The following DPP6 variants were observed in gnomAD, a reference collection of about 807,000 sequenced individuals.
DPP6 encodes the protein dipeptidyl peptidase like 6, also known as A-type potassium channel modulatory protein DPP6.
DPP6 carries 69 observed loss-of-function variants against 122.6 expected under a neutral mutation model. That is an observed-to-expected ratio of 0.56 (90% CI 0.46 to 0.69). DPP6 has a LOEUF of 0.69. Among genes scored for constraint, DPP6 ranks in the 30% least tolerant of loss-of-function variants. The probability of loss-of-function intolerance (pLI) is 0.00; values close to 1 mark genes in which losing one functional copy is unlikely to be tolerated. For synonymous variants in DPP6, 418 were observed against 433.1 expected, an observed-to-expected ratio of 0.97 and a Z score of 0.43; for missense variants, 928 against 1,116.9, an observed-to-expected ratio of 0.83 and a Z score of 2.41.
chr7:154,191,158 C>T (rs894557939), intron 1 of DPP6, among the ~76,000 whole-genome samples: 1 of 152,138 alleles, frequency 6.6e-6, no homozygotes, highest in African/African-American at 2.4e-5. Context: ...CTGCTGATGC[C>T]ATTTTCTGCA....
At chr7:153,773,044 A>G in the DPP6 span, among the ~76,000 whole-genome samples, 1 of 145,918 alleles carries the variant, frequency 6.9e-6, no homozygotes, top group African/African-American at 2.5e-5. Flanking sequence ...AGTCTTTGAT[A>G]TTAATATAAA....
chr7:154,772,177 C>T (rs1422663515), intron 9 of DPP6, among the ~76,000 whole-genome samples: 1 of 152,214 alleles, frequency 6.6e-6, no homozygotes, highest in African/African-American at 2.4e-5. Flanking sequence ...TGACAGAATT[C>T]AGATGCTCCT....
At chr7:154,519,272 G>A (rs1826782226) in intron 3 of DPP6, among the ~76,000 whole-genome samples, 1 of 152,210 alleles carries the variant, frequency 6.6e-6, no homozygotes, top group South Asian at 2.1e-4. Flanking sequence ...TGTTATGCTG[G>A]AGGAGGCTGG....
Position 154,889,533 on chromosome 7 carries a change from A to G in DPP6, c.2451+3A>G. On this transcript the variant is annotated splice_donor_region_variant and intron_variant, in intron 25 of 25. Coordinates refer to ENST00000377770, the MANE Select transcript of DPP6 (RefSeq NM_130797.4). Reference sequence around the variant, plus strand: ...GAAAGGCTAATTACAGCTTACAGGTACAGTACGCATGTTACTCTGTTTTGA... The same window carrying G: ...GAAAGGCTAATTACAGCTTACAGGTGCAGTACGCATGTTACTCTGTTTTGA... 5.0e-6 allele frequency: 8 copies of G among 1,605,712 alleles called. No individual in the cohort carries two copies. The highest frequency in any genetic ancestry group is 6.8e-6 in the Non-Finnish European group (8 of 1,176,310).
rs370475814 is a variant in DPP6 at position 153,988,039 on chromosome 7, A to T, written c.51+100305A>T. 9.4e-3 allele frequency among the ~76,000 whole-genome samples: 1,426 copies of T among 152,204 alleles called. 23 individuals are homozygous for T. The highest frequency in any genetic ancestry group is 0.032 in the African/African-American group (1,340 of 41,526). ...AACCCTGGAAGCCAGTCCCTAAACA[A>T]CCAGAGCTGCTCAGCAACTGCTCTC... is the stretch of plus-strand genomic sequence containing the variant. On this transcript the variant is annotated intron_variant, in intron 1 of 25. Coordinates refer to the DPP6 transcript ENST00000404039.
intron 2 of DPP6, among the ~76,000 whole-genome samples, chr7:154,463,476 G>A (rs1476761962): frequency 6.6e-6 from 1 of 152,000 alleles, no homozygotes; most frequent in Non-Finnish European, 1.5e-5. Context: ...CAAAGTGCTG[G>A]GATTACAGGC....
intron 16 of DPP6, among the ~76,000 whole-genome samples, chr7:154,828,537 T>C (rs577150436): frequency 6.6e-6 from 1 of 152,328 alleles, no homozygotes; most frequent in African/African-American, 2.4e-5. Context: ...AGAAAAGGCA[T>C]TGCCTAGTTT....
At chr7:154,784,313 C>T (rs868320719) in intron 10 of DPP6, among the ~76,000 whole-genome samples, 8 of 152,036 alleles carry the variant, frequency 5.3e-5, no homozygotes, top group Middle Eastern at 3.2e-3. Flanking sequence ...CCCAGCTGTG[C>T]GGACACTTGC....
At chr7:153,768,299 T>C in the DPP6 span, among the ~76,000 whole-genome samples, 1 of 150,464 alleles carries the variant, frequency 6.6e-6, no homozygotes, top group African/African-American at 2.5e-5. Flanking sequence ...AAGGAGAGGG[T>C]ACCATATGCC....
At chr7:154,727,969 C>G (rs1007423231) in intron 8 of DPP6, 82 bp downstream of exon 8, 1 of 1,499,496 alleles carries the variant, frequency 6.7e-7, no homozygotes, top group African/African-American at 1.4e-5. Flanking sequence ...TTTCATTTTT[C>G]TTTGACTTTA....
At chr7:154,636,080 T>C (rs1300583623) in intron 5 of DPP6, among the ~76,000 whole-genome samples, 3 of 152,218 alleles carry the variant, frequency 2.0e-5, no homozygotes, top group Non-Finnish European at 2.9e-5. Flanking sequence ...CTTCTCTTTC[T>C]GTGCCTCAGT....
intron 5 of DPP6, among the ~76,000 whole-genome samples, chr7:154,595,716 A>C (rs1266102404): frequency 6.6e-6 from 1 of 152,252 alleles, no homozygotes; most frequent in African/African-American, 2.4e-5. Flanking sequence ...CTTTATTTGC[A>C]AAGGAGGCTG....
At chr7:154,586,345 A>G (rs1408869500) in intron 5 of DPP6, among the ~76,000 whole-genome samples, 1 of 152,122 alleles carries the variant, frequency 6.6e-6, no homozygotes, top group African/African-American at 2.4e-5. Flanking sequence ...GCCATTTCCT[A>G]CCTGCCGGCC....
intron 16 of DPP6, among the ~76,000 whole-genome samples, chr7:154,851,826 T>C (rs1802405762): frequency 6.6e-6 from 1 of 152,200 alleles, no homozygotes; most frequent in Non-Finnish European, 1.5e-5. Flanking sequence ...GCATATCATC[T>C]GGCAGCCCCA....
At chr7:154,411,613 C>T (rs1025365156) in intron 1 of DPP6, among the ~76,000 whole-genome samples, 1 of 152,126 alleles carries the variant, frequency 6.6e-6, no homozygotes, top group African/African-American at 2.4e-5. Flanking sequence ...TATATGATAA[C>T]TAATCTTCCA....
chr7:154,070,869 A>G (rs1446555512), intron 1 of DPP6, among the ~76,000 whole-genome samples: 1 of 152,194 alleles, frequency 6.6e-6, no homozygotes, highest in Admixed American at 6.5e-5. Context: ...TAAAGATAGT[A>G]TGGCATGAAT....
At chr7:153,808,360 CATGCCTGTATGT>C in the DPP6 span, among the ~76,000 whole-genome samples, 10 of 144,600 alleles carry the variant, frequency 6.9e-5, 1 homozygote, top group Admixed American at 6.2e-4. Flanking sequence ...TGTGTGTGGG[CATGCCTGTATGT>C]GTGCCTGTGT....
intron 1 of DPP6, among the ~76,000 whole-genome samples, chr7:154,246,325 A>G (rs1361686733): frequency 1.3e-5 from 2 of 152,192 alleles, no homozygotes; most frequent in Non-Finnish European, 2.9e-5. Context: ...TTTTTTCTTC[A>G]AGAAGTTGGA....
chr7:154,830,157 G>A (rs1464423190), intron 16 of DPP6, among the ~76,000 whole-genome samples: 2 of 152,138 alleles, frequency 1.3e-5, no homozygotes, highest in African/African-American at 4.8e-5. Flanking sequence ...CTTTGAACAC[G>A]TTTTCCTGTC....
Sources: gnomAD v4.1 joint callset for allele counts (sites outside exome capture counted in the v4.1 genomes callset) on GRCh38, gnomAD v4.1.1 for gene constraint, MANE v1.5 for transcripts, NCBI Gene and HGNC (gene_info 2026-07-23, HGNC 2026-07-21) for gene names.